Variants in RETSAT observed in about 807,000 individuals in gnomAD.
The protein encoded by RETSAT is all-trans-retinol 13,14-reductase.
Under a neutral mutation model 61.6 loss-of-function variants are expected in RETSAT, and 35 were observed. The observed-to-expected ratio is 0.57, with a 90% CI of 0.43 to 0.75. The LOEUF is 0.75. RETSAT is among the 30% of genes least tolerant of loss of function. The probability of loss-of-function intolerance (pLI) is 0.00; values close to 1 mark genes in which losing one functional copy is unlikely to be tolerated. For missense variants in RETSAT, 670 were observed against 759.5 expected (o/e 0.88, Z 1.38); for synonymous variants, 277 against 310.4 (o/e 0.89, Z 1.13).
chr2:85,353,421 G>A (rs1020913976), intron 1 of RETSAT, among the ~76,000 whole-genome samples: 92 of 152,352 alleles, frequency 6.0e-4, no homozygotes, highest in African/African-American at 2.1e-3. Flanking sequence ...ACAATAGAGC[G>A]AGACTCTGTT....
At chr2:85,349,266 C>T (rs1330165219) in intron 5 of RETSAT, 118 bp downstream of exon 5, 3 of 908,788 alleles carry the variant, frequency 3.3e-6, no homozygotes, top group Non-Finnish European at 5.2e-6. Flanking sequence ...GGCAGATTCT[C>T]ACCTTTAGCC....
intron 4 of RETSAT, 156 bp downstream of exon 4, chr2:85,349,884 C>A: frequency 1.4e-6 from 1 of 690,438 alleles, no homozygotes; most frequent in South Asian, 1.9e-5. Context: ...AGGAGTCCAG[C>A]AGGTGGCCAG....
In RETSAT at chr2:85,343,022, T is replaced by A; in HGVS notation, c.*220A>T. On this transcript the variant is annotated 3_prime_UTR_variant, in exon 11 of 11. Transcript: ENST00000295802. ...CAATATCCTATTAGTAGGGATGGCA[T>A]GTTATAAAAGGCGTAAAGATCTCAC... 2.0e-6 allele frequency: 1 copy of A among 500,074 alleles called. No individual in the cohort carries two copies. Among genetic ancestry groups the A allele is most frequent in the Non-Finnish European group, 3.6e-6 (1 of 277,446 alleles). 31.0% of individuals were successfully genotyped at this position (500,074 alleles called of 1,614,324 possible).
In RETSAT at chr2:85,350,118, T is replaced by C; in HGVS notation, c.721A>G (p.Ser241Gly). ...FSPFLQASTQ[S>G]LAEVLQQLGA... Reference sequence around the variant, plus strand: ...AGCTGCTGCAGGACCTCAGCCAGGCTCTGGGTGGATGCTTGAAGGAATGGA... The same window carrying C: ...AGCTGCTGCAGGACCTCAGCCAGGCCCTGGGTGGATGCTTGAAGGAATGGA... The change falls in exon 4 of 11, where the codon AGC becomes GGC. Residue 241 changes from serine to glycine, a missense_variant. Ser to Gly is a moderately conservative substitution (Grantham distance 56). Coordinates refer to ENST00000295802, the MANE Select transcript of RETSAT (RefSeq NM_017750.4). 6.2e-7 allele frequency: 1 copy of C among 1,613,944 alleles called. No individual in the cohort carries two copies. The highest frequency in any genetic ancestry group is 8.5e-7 in the Non-Finnish European group (1 of 1,180,008).
chr2:85,345,742 C>G, intron 6 of RETSAT: 2 of 661,126 alleles, frequency 3.0e-6, no homozygotes, highest in South Asian at 3.1e-5. Flanking sequence ...CAGCCCTGCC[C>G]CTTTCAGCTG....
chr2:85,352,934 A>T (rs1312537501), intron 1 of RETSAT, among the ~76,000 whole-genome samples: 5 of 152,282 alleles, frequency 3.3e-5, no homozygotes, highest in Non-Finnish European at 5.9e-5. Flanking sequence ...CCGACACAAG[A>T]TCTGTTCTTT....
intron 5 of RETSAT, among the ~76,000 whole-genome samples, chr2:85,348,493 G>A (rs768084399): frequency 3.9e-4 from 59 of 151,402 alleles, no homozygotes; most frequent in Non-Finnish European, 7.4e-4. Context: ...TTAGCTGGGC[G>A]TGGTGGCGGG....
chr2:85,354,451 T>G lies in RETSAT; in HGVS notation c.57A>C (p.Lys19Asn). ...TGCCAGAGAATAGTCCCAAGTAAAC[T>G]TTGCAGAGGACGGCCAGCAGCAGCA... is the stretch of plus-strand genomic sequence containing the variant. ...LAVLLLAVLC[K>N]VYLGLFSGSS... Residue 19 changes from lysine to asparagine, a missense_variant, in exon 1 of 11, where the codon AAA becomes AAC. Physicochemically the swap from Lys to Asn is moderately conservative, Grantham distance 94 (BLOSUM62 0). Coordinates refer to ENST00000295802, the MANE Select transcript of RETSAT (RefSeq NM_017750.4). 1 of 1,614,042 alleles carries G rather than the reference T, an allele frequency of 6.2e-7. No homozygotes were observed. The highest frequency in any genetic ancestry group is 8.5e-7 in the Non-Finnish European group (1 of 1,179,970).
At chr2:85,345,529 G>T (rs1026431471) in intron 6 of RETSAT, 1 of 334,868 alleles carries the variant, frequency 3.0e-6, no homozygotes, top group Non-Finnish European at 5.9e-6. Context: ...TGGGTTACTG[G>T]TCCCCTCTTC....
chr2:85,346,215 A>G, intron 5 of RETSAT, 121 bp from the exon 6 acceptor site: 3 of 1,316,450 alleles, frequency 2.3e-6, no homozygotes, highest in Non-Finnish European at 3.1e-6. Flanking sequence ...CCAGCTACCT[A>G]GACTCAGGCA....
rs1461135287 is a variant in RETSAT, at chr2:85,342,575, T to C, written c.*667A>G. 6.6e-6 allele frequency: 1 copy of C among 152,434 alleles called. No individual in the cohort carries two copies. Among genetic ancestry groups the C allele is most frequent in the Non-Finnish European group, 1.5e-5 (1 of 68,284 alleles). 9.4% of individuals were successfully genotyped at this position (152,434 alleles called of 1,614,324 possible). On this transcript the variant is annotated 3_prime_UTR_variant, in exon 11 of 11. Coordinates refer to ENST00000295802, the MANE Select transcript of RETSAT (RefSeq NM_017750.4). ...AAGGAAGACAGACCCGGGACTTCCA[T>C]ATGAATTGGATATGATCATCTGACA...
Position 85,351,825 on chromosome 2 carries a change from C to T in RETSAT, c.210G>A (p.Val70=). The T allele has an allele frequency of 1.9e-6, 3 of 1,614,120 alleles. No homozygotes were observed. The highest frequency in any genetic ancestry group is 1.7e-6 in the Non-Finnish European group (2 of 1,180,024). Residue 70 remains valine (V), a synonymous_variant, in exon 2 of 11, where the codon GTG becomes GTA. Transcript: ENST00000295802. ...CCCCAAAGCCACTGCCAATTACCAC[C>T]ACATCCAGCTTCTCCGGCACTTGGT... ...SANQVPEKLD[V]VVIGSGFGGL...
intron 7 of RETSAT, 72 bp downstream of exon 7, chr2:85,344,522 T>C: frequency 1.9e-6 from 3 of 1,576,394 alleles, no homozygotes; most frequent in Non-Finnish European, 1.7e-6. Context: ...TCCCATTCCA[T>C]AACCTCTGCT....
Position 85,349,436 on chromosome 2 carries a change from G to A in RETSAT, c.945C>T (p.Leu315=), listed in dbSNP as rs1159769430. 1.2e-6 allele frequency: 2 copies of A among 1,614,080 alleles called. No homozygotes were observed. Among genetic ancestry groups the A allele is most frequent in the East Asian group, 2.2e-5 (1 of 44,892 alleles). The change falls in exon 5 of 11, where the codon CTC becomes CTT. Residue 315 remains leucine (L), a synonymous_variant. Transcript: ENST00000295802. ...ACACACTCTGCACAGTGGCCTTTGT[G>A]AGGACAGCGCCCCCAGCCCGCTGAA... is the stretch of plus-strand genomic sequence containing the variant. ...PVIQRAGGAV[L]TKATVQSVLL... is the part of the protein sequence containing the mutation.
rs189266746 is a variant in RETSAT at position 85,352,755 on chromosome 2, C to G, written c.173-893G>C. 1.4e-3 allele frequency among the ~76,000 whole-genome samples: 207 copies of G among 152,234 alleles called. 3 individuals carry two copies. The highest frequency in any genetic ancestry group is 0.013 in the Admixed American group (196 of 15,304). ...ATAGCTGGGTCTTATGGTGGCTCTT[C>G]CAGGTCCTGATGAAAAGGCTTGGGC... On this transcript the variant is annotated intron_variant, in intron 1 of 10. Transcript: ENST00000295802.
At chr2:85,350,679 G>T in intron 3 of RETSAT, 101 bp downstream of exon 3, 1 of 1,358,606 alleles carries the variant, frequency 7.4e-7, no homozygotes, top group Non-Finnish European at 1.0e-6. Context: ...CTCCCTTCCT[G>T]CCTCCCGCAC....
rs1466533914 is a variant in RETSAT at position 85,349,600 on chromosome 2, G to T, written c.800-19C>A. ...GTGACACCTGCAGAAGCAAGGAAGG[G>T]TGGTGAGCTGGCAAGAGAAGGCACC... is the stretch of plus-strand genomic sequence containing the variant. On this transcript the variant is annotated intron_variant, in intron 4 of 10. Coordinates refer to ENST00000295802, the MANE Select transcript of RETSAT (RefSeq NM_017750.4). The T allele has an allele frequency of 6.2e-7, 1 of 1,610,636 alleles. No individual in the cohort carries two copies.
chr2:85,344,847 C>T, intron 6 of RETSAT, 115 bp from the exon 7 acceptor site: 1 of 1,133,810 alleles, frequency 8.8e-7, no homozygotes, highest in East Asian at 2.5e-5. Flanking sequence ...ATGCCGGGCC[C>T]CTGGCCACTC....
intron 1 of RETSAT, 48 bp from the exon 2 acceptor site, chr2:85,351,910 A>C: frequency 6.4e-7 from 1 of 1,572,904 alleles, no homozygotes; most frequent in South Asian, 1.1e-5. Flanking sequence ...GGGGCAGGGA[A>C]ATAGCAAAGA....
Sources: allele counts gnomAD v4.1 joint callset (sites outside exome capture counted in the v4.1 genomes callset), GRCh38; gene constraint gnomAD v4.1.1; transcripts MANE v1.5; gene names NCBI Gene and HGNC (gene_info 2026-07-23, HGNC 2026-07-21).